Variants in RABEP1 observed in about 807,000 individuals in gnomAD.
RABEP1 encodes the protein rabaptin, RAB GTPase binding effector protein 1, also known as rab GTPase-binding effector protein 1.
In RABEP1, 51 loss-of-function variants were observed where a neutral mutation model predicts 123.4. The observed-to-expected ratio is 0.41, with a 90% CI of 0.33 to 0.52. The LOEUF is 0.52. Among genes scored for constraint, RABEP1 ranks in the 20% least tolerant of loss-of-function variants. The probability of loss-of-function intolerance (pLI) is 0.16; values close to 1 mark genes in which losing one functional copy is unlikely to be tolerated. For missense variants in RABEP1, 888 were observed against 996.3 expected (o/e 0.89, Z 1.46); for synonymous variants, 347 against 355.2 (o/e 0.98, Z 0.26).
At position 5,383,650 on chromosome 17, in the gene RABEP1, C is replaced by T. The variant is rs1567559329; in HGVS notation, c.*427C>T. 3 of 241,566 alleles carry T rather than the reference C, an allele frequency of 1.2e-5. No homozygotes were observed. The highest frequency in any genetic ancestry group is 6.6e-5 in the African/African-American group (3 of 45,368). 15.0% of individuals were successfully genotyped at this position (241,566 alleles called of 1,614,324 possible). The stretch of plus-strand genomic sequence containing the variant: ...TCTAGAGCTCATCAGTAACAGTATT[C>T]AGTTAGCAGACAGAAGTGTAGTATG... On this transcript the variant is annotated 3_prime_UTR_variant, in exon 18 of 18. Transcript: ENST00000537505.
intron 1 of RABEP1, among the ~76,000 whole-genome samples, chr17:5,304,700 T>TA (rs2075165372): frequency 6.6e-6 from 1 of 152,328 alleles, no homozygotes; most frequent in East Asian, 1.9e-4. Context: ...GGCATACTGA[T>TA]ATTCTCAGCC....
At chr17:5,318,409 C>T (rs1303378353) in intron 2 of RABEP1, among the ~76,000 whole-genome samples, 1 of 152,038 alleles carries the variant, frequency 6.6e-6, no homozygotes, top group African/African-American at 2.4e-5. Context: ...CAAAAAAGTA[C>T]AGTAAGCCAA....
chr17:5,299,876 C>G (rs1378437754), intron 1 of RABEP1, among the ~76,000 whole-genome samples: 1 of 151,340 alleles, frequency 6.6e-6, no homozygotes, highest in Non-Finnish European at 1.5e-5. Flanking sequence ...ACTACAGGCT[C>G]CTGCCACCAT....
At chr17:5,350,989 A>G (rs891374317) in intron 7 of RABEP1, among the ~76,000 whole-genome samples, 1 of 152,188 alleles carries the variant, frequency 6.6e-6, no homozygotes, top group Non-Finnish European at 1.5e-5. Context: ...GGCCCAACAC[A>G]AATTTGTAAA....
intron 2 of RABEP1, 110 bp from the exon 3 acceptor site, chr17:5,331,839 G>T: frequency 1.1e-6 from 1 of 904,538 alleles, no homozygotes; most frequent in Non-Finnish European, 1.7e-6. Flanking sequence ...CTATTAAAAG[G>T]GTGTCATTTT....
At position 5,383,539 on chromosome 17, in the gene RABEP1, A is replaced by G. The variant is rs1911678203; in HGVS notation, c.*316A>G. Reference sequence around the variant, plus strand: ...TCTCCAAGACAGATTTTCGGAACACATTTCCCTACCCTAAAGCGACATCCC... The same window carrying G: ...TCTCCAAGACAGATTTTCGGAACACGTTTCCCTACCCTAAAGCGACATCCC... On this transcript the variant is annotated 3_prime_UTR_variant, in exon 18 of 18. Transcript: ENST00000537505. 2.8e-6 allele frequency: 1 copy of G among 362,596 alleles called. No individual in the cohort carries two copies. Among genetic ancestry groups the G allele is most frequent in the African/African-American group, 2.0e-5 (1 of 49,540 alleles). The allele number at this position is 362,596 out of a possible 1,614,324, so 22.5% of individuals were successfully genotyped here.
chr17:5,373,406 T>G lies in RABEP1; in HGVS notation c.1977T>G (p.His659Gln). The change falls in exon 13 of 18, where the codon CAT becomes CAG. Residue 659 changes from histidine (H) to glutamine (Q), a missense_variant. Transcript: ENST00000537505. ...GTCTCCAGGGAAAGCACAGCCTGCATGTGTCATTACAGCAAGCAGAAGACT... is the reference window on the plus strand; with the variant it reads ...GTCTCCAGGGAAAGCACAGCCTGCAGGTGTCATTACAGCAAGCAGAAGACT... Reference protein sequence around the residue: ...NDSLQGKHSLHVSLQQAEDFI... With the variant: ...NDSLQGKHSLQVSLQQAEDFI... The G allele has an allele frequency of 6.2e-7, 1 of 1,613,300 alleles. No individual in the cohort carries two copies. The highest frequency in any genetic ancestry group is 8.5e-7 in the Non-Finnish European group (1 of 1,179,882).
chr17:5,351,241 TTCTCCTTA>T (rs1415058351), intron 7 of RABEP1, among the ~76,000 whole-genome samples: 1 of 152,190 alleles, frequency 6.6e-6, no homozygotes, highest in African/African-American at 2.4e-5. Context: ...GGTTCCTGTT[TTCTCCTTA>T]TCTTTTAGTT....
At chr17:5,359,078 CTT>C (rs112132875) in intron 8 of RABEP1, among the ~76,000 whole-genome samples, 3 of 143,758 alleles carry the variant, frequency 2.1e-5, no homozygotes, top group Admixed American at 6.9e-5. Flanking sequence ...CTGATGTTTT[CTT>C]TTTTTTTTTT....
At chr17:5,380,099 GCTT>G (rs1253454083) in intron 15 of RABEP1, among the ~76,000 whole-genome samples, 1 of 152,190 alleles carries the variant, frequency 6.6e-6, no homozygotes, top group Admixed American at 6.5e-5. Context: ...AGAATTAAAT[GCTT>G]CTTTCTTCAT....
chr17:5,313,673 C>A (rs1465068439), intron 2 of RABEP1, among the ~76,000 whole-genome samples: 1 of 152,016 alleles, frequency 6.6e-6, no homozygotes, highest in Non-Finnish European at 1.5e-5. Context: ...GCATCTAAAC[C>A]CGGTAAATGG....
chr17:5,325,927 C>T (rs755933578), intron 2 of RABEP1, among the ~76,000 whole-genome samples: 12 of 152,132 alleles, frequency 7.9e-5, no homozygotes, highest in African/African-American at 1.7e-4. Context: ...TCTATACAGA[C>T]GGCAAGTAAG....
chr17:5,317,447 C>CT (rs1004496213), intron 2 of RABEP1, among the ~76,000 whole-genome samples: 3 of 152,148 alleles, frequency 2.0e-5, no homozygotes, highest in Non-Finnish European at 4.4e-5. Flanking sequence ...CTACAAAAAA[C>CT]TTACAGCTAA....
At chr17:5,340,699 C>A (rs1195420414) in intron 5 of RABEP1, among the ~76,000 whole-genome samples, 6 of 149,734 alleles carry the variant, frequency 4.0e-5, no homozygotes, top group Non-Finnish European at 8.9e-5. Flanking sequence ...GTAATCCCAG[C>A]ACTTTGGGAG....
At position 5,311,611 on chromosome 17, in the gene RABEP1, G is replaced by A. The variant is rs370813455; in HGVS notation, c.163+2789G>A. ...CTCAGAAGGCTGAGGCAGGAGAATC[G>A]CTTGAACCTGGGAGGCGGAGGTTGC... On this transcript the variant is annotated intron_variant, in intron 2 of 17. Coordinates refer to ENST00000537505, the MANE Select transcript of RABEP1 (RefSeq NM_004703.6). Among the ~76,000 whole-genome samples the A allele has an allele frequency of 3.1e-3, 458 of 145,612 alleles. 4 individuals carry two copies. The highest frequency in any genetic ancestry group is 5.2e-3 in the Non-Finnish European group (346 of 67,148).
chr17:5,330,106 T>C (rs986026735), intron 2 of RABEP1, among the ~76,000 whole-genome samples: 2 of 152,192 alleles, frequency 1.3e-5, no homozygotes, highest in African/African-American at 4.8e-5. Flanking sequence ...ATAATGCTTT[T>C]TCTTTTTTCA....
At chr17:5,345,005 C>G (rs1436188547) in intron 5 of RABEP1, among the ~76,000 whole-genome samples, 4 of 151,922 alleles carry the variant, frequency 2.6e-5, no homozygotes, top group Admixed American at 2.0e-4. Flanking sequence ...AGTGTATGAG[C>G]TGTCGGTTAA....
Position 5,361,234 on chromosome 17 carries a change from A to G in RABEP1, c.1122A>G (p.Ser374=), listed in dbSNP as rs767018172. 8.1e-6 allele frequency: 13 copies of G among 1,614,154 alleles called. No individual in the cohort carries two copies. The highest frequency in any genetic ancestry group is 2.2e-5 in the South Asian group (2 of 91,070). The change falls in exon 9 of 18, where the codon TCA becomes TCG. Residue 374 remains serine (S), a synonymous_variant. Coordinates refer to ENST00000537505, the MANE Select transcript of RABEP1 (RefSeq NM_004703.6). ...EEEHLDSTRG[S]VHSLDAGLLL... The stretch of plus-strand genomic sequence containing the variant: ...AGCATTTAGACAGCACCCGTGGCTC[A>G]GTTCATTCCTTAGATGCAGGCTTGC...
chr17:5,341,793 A>T (rs1172738241), intron 5 of RABEP1, among the ~76,000 whole-genome samples: 2 of 152,250 alleles, frequency 1.3e-5, no homozygotes, highest in Non-Finnish European at 1.5e-5. Context: ...CTATCATTGC[A>T]GTGTACACGT....
Sources: allele counts gnomAD v4.1 joint callset (sites outside exome capture counted in the v4.1 genomes callset), GRCh38; gene constraint gnomAD v4.1.1; transcripts MANE v1.5; gene names NCBI Gene and HGNC (gene_info 2026-07-23, HGNC 2026-07-21).